The following SCML2 variants were observed in gnomAD, a reference collection of about 807,000 sequenced individuals.
The protein encoded by SCML2 is Scm polycomb group protein like 2, also known as sex comb on midleg-like protein 2.
Under a neutral mutation model 48.4 loss-of-function variants are expected in SCML2, and 6 were observed. The ratio of observed to expected loss-of-function variants is 0.12; its 90% CI spans 0.07 to 0.24. SCML2 has a LOEUF of 0.24. Ranked by LOEUF, SCML2 falls within the 10% of genes least tolerant of loss-of-function variation. SCML2 has a pLI of 1.00. For synonymous variants in SCML2, 181 were observed against 189.5 expected (o/e 0.95, Z 0.37); for missense variants, 377 against 528.2 (o/e 0.71, Z 2.81).
intron 7 of SCML2, among the ~76,000 whole-genome samples, chrX:18,283,655 T>TA (rs1927942120): frequency 8.9e-6 from 1 of 112,063 alleles, no homozygotes; most frequent in South Asian, 3.7e-4. Flanking sequence ...TATCCAGGCT[T>TA]AGAGTCAAAT....
chrX:18,337,355 C>CAAA (rs747064959), intron 1 of SCML2, among the ~76,000 whole-genome samples: 2 of 27,752 alleles, frequency 7.2e-5, no homozygotes, highest in African/African-American at 1.4e-4. Context: ...ATGTTGGCTA[C>CAAA]AAAAAAAAAA....
intron 7 of SCML2, among the ~76,000 whole-genome samples, chrX:18,274,656 T>G (rs1927570356): frequency 9.0e-6 from 1 of 111,712 alleles, no homozygotes; most frequent in Non-Finnish European, 1.9e-5. Context: ...TAGCCCCATC[T>G]TTTTTCCCAG....
chrX:18,321,118 A>G (rs1429696145), intron 5 of SCML2, among the ~76,000 whole-genome samples: 1 of 111,819 alleles, frequency 8.9e-6, no homozygotes, highest in Non-Finnish European at 1.9e-5. Context: ...TACTCACTGT[A>G]AAATTTTTTC....
chrX:18,268,256 G>A (rs1226434949), intron 7 of SCML2, among the ~76,000 whole-genome samples: 1 of 112,299 alleles, frequency 8.9e-6, no homozygotes, highest in Non-Finnish European at 1.9e-5. Flanking sequence ...CTGGCTGGGC[G>A]CAGTGGCTCA....
At chrX:18,322,119 A>G (rs778534308) in intron 5 of SCML2, among the ~76,000 whole-genome samples, 2 of 112,560 alleles carry the variant, frequency 1.8e-5, no homozygotes, top group African/African-American at 6.4e-5. Context: ...GTTTAAACAA[A>G]TAAATCTTTT....
In SCML2 at chrX:18,282,682, T is replaced by C. The variant is rs774079385; in HGVS notation, c.731-16880A>G. On this transcript the variant is annotated intron_variant, in intron 7 of 14. Transcript: ENST00000251900. ...ACCAACAAAACTCTACACACACAAA[T>C]TAGAAAATCTAGAGGAAATGGATAA... Among the ~76,000 whole-genome samples, 15 of 110,725 alleles carry C rather than the reference T, an allele frequency of 1.4e-4. No homozygotes were observed. The East Asian group carries it at 3.7e-3, about 27-fold the overall frequency.
chrX:18,298,043 TAGGA>T (rs1243654528), intron 7 of SCML2, among the ~76,000 whole-genome samples: 2 of 109,378 alleles, frequency 1.8e-5, no homozygotes, highest in African/African-American at 6.7e-5. Flanking sequence ...AGAAAACACT[TAGGA>T]AGAAATTTTA....
Position 18,309,162 on chromosome X carries a change from C to T in SCML2, c.487-3947G>A, listed in dbSNP as rs766163656. Among the ~76,000 whole-genome samples the T allele has an allele frequency of 4.0e-3, 399 of 100,740 alleles. 2 individuals carry two copies. The highest frequency in any genetic ancestry group is 0.014 in the African/African-American group (381 of 26,526). 87.5% of individuals were successfully genotyped at this position (100,740 alleles called of 115,157 possible). ...GATGCAGTGAGCCGAGATTGGGCCA[C>T]TGCACTTCAGCCTTGGAGACAGAAT... On this transcript the variant is annotated intron_variant, in intron 6 of 14. Transcript: ENST00000251900.
intron 7 of SCML2, among the ~76,000 whole-genome samples, chrX:18,289,679 T>C (rs958576167): frequency 8.9e-6 from 1 of 112,035 alleles, no homozygotes; most frequent in African/African-American, 3.2e-5. Context: ...TGGCTGTAAC[T>C]GAACATACAC....
chrX:18,247,822 T>C lies in SCML2; in HGVS notation c.1517A>G (p.Tyr506Cys), dbSNP rs748875565. ...GAGCTTAGGAGAGAGAGGAACAACA[T>C]ATGGTACAGTTTGCTGAGGAGATCG... The part of the protein sequence containing the change: ...TKRSPQQTVP[Y>C]VVPLSPKLPK... Residue 506 changes from tyrosine to cysteine, a missense_variant, in exon 12 of 15, where the codon TAT becomes TGT. Around this residue, in one of 3 missense-constraint regions of SCML2, gnomAD observed 299 missense variants for 425.5 expected, o/e 0.70. Transcript: ENST00000251900. 1.7e-6 allele frequency: 2 copies of C among 1,211,229 alleles called. No homozygotes were observed. The highest frequency in any genetic ancestry group is 2.2e-6 in the Non-Finnish European group (2 of 894,929).
chrX:18,294,300 G>A (rs1182457049), intron 7 of SCML2, among the ~76,000 whole-genome samples: 1 of 111,075 alleles, frequency 9.0e-6, no homozygotes, highest in African/African-American at 3.3e-5. Context: ...GGAAACACCC[G>A]AGGCATGAAA....
intron 7 of SCML2, among the ~76,000 whole-genome samples, chrX:18,267,989 C>G (rs935712089): frequency 2.7e-5 from 3 of 112,152 alleles, no homozygotes; most frequent in African/African-American, 9.7e-5. Flanking sequence ...GGATGTGGCC[C>G]TCAGGCTATT....
chrX:18,264,916 T>C (rs1927207059), intron 8 of SCML2, among the ~76,000 whole-genome samples: 1 of 111,585 alleles, frequency 9.0e-6, no homozygotes, highest in Non-Finnish European at 1.9e-5. Context: ...CCAAAATCCC[T>C]CCATTCCCTT....
At chrX:18,260,535 C>T (rs1371515811) in intron 8 of SCML2, among the ~76,000 whole-genome samples, 10 of 110,743 alleles carry the variant, frequency 9.0e-5, no homozygotes, top group Non-Finnish European at 5.6e-5. Flanking sequence ...CTGTCCTACC[C>T]CTGCTCCAAC....
chrX:18,311,424 C>T (rs1293593585), intron 6 of SCML2, among the ~76,000 whole-genome samples: 2 of 111,164 alleles, frequency 1.8e-5, no homozygotes, highest in African/African-American at 6.5e-5. Context: ...GAGAACAGCA[C>T]AATAGGAAAA....
intron 3 of SCML2, among the ~76,000 whole-genome samples, chrX:18,327,910 A>C (rs1929536136): frequency 1.8e-5 from 2 of 111,827 alleles, no homozygotes; most frequent in Middle Eastern, 4.6e-3. Context: ...TGGAATTCCC[A>C]ACCAGAAGCC....
chrX:18,269,289 G>A (rs937540042), intron 7 of SCML2, among the ~76,000 whole-genome samples: 6 of 111,208 alleles, frequency 5.4e-5, no homozygotes, highest in Non-Finnish European at 1.1e-4. Flanking sequence ...TCATGGAGGC[G>A]GTTTCCCCCA....
intron 7 of SCML2, among the ~76,000 whole-genome samples, chrX:18,268,882 T>G (rs1927351546): frequency 9.0e-6 from 1 of 111,447 alleles, no homozygotes; most frequent in African/African-American, 3.3e-5. Context: ...TTCAATTATC[T>G]CTTCTCTCCT....
intron 7 of SCML2, among the ~76,000 whole-genome samples, chrX:18,289,476 T>C (rs1239991685): frequency 4.5e-5 from 5 of 112,018 alleles, no homozygotes; most frequent in Admixed American, 1.9e-4. Context: ...GAGTACTGAA[T>C]ATACTCAGTA....
Sources: allele counts gnomAD v4.1 joint callset (sites outside exome capture counted in the v4.1 genomes callset), GRCh38; gene constraint gnomAD v4.1.1; regional missense constraint gnomAD v4.1.1; transcripts MANE v1.5; gene names NCBI Gene and HGNC (gene_info 2026-07-23, HGNC 2026-07-21).